Variants in FHOD3 observed in about 807,000 individuals in gnomAD.
FHOD3 encodes formin homology 2 domain containing 3.
Under a neutral mutation model 173.0 loss-of-function variants are expected in FHOD3, and 90 were observed. The observed-to-expected ratio is 0.52, with a 90% CI of 0.44 to 0.62. The LOEUF is 0.62. Ranked by LOEUF, FHOD3 falls within the 20% of genes least tolerant of loss-of-function variation. The probability of loss-of-function intolerance (pLI) is 0.00; values close to 1 mark genes in which losing one functional copy is unlikely to be tolerated. For synonymous variants in FHOD3, 828 were observed against 823.0 expected, an observed-to-expected ratio of 1.01 and a Z score of -0.10; for missense variants, 1,945 against 2,034.7, an observed-to-expected ratio of 0.96 and a Z score of 0.85.
chr18:36,433,847 G>A (rs756225194), intron 3 of FHOD3, among the ~76,000 whole-genome samples: 1 of 152,088 alleles, frequency 6.6e-6, no homozygotes, highest in African/African-American at 2.4e-5. Flanking sequence ...CCTTATTGAG[G>A]TATACTTTAC....
intron 3 of FHOD3, among the ~76,000 whole-genome samples, chr18:36,482,858 C>CACACACACACACAGAGAGAG (rs1400178557): frequency 2.3e-5 from 3 of 130,372 alleles, no homozygotes; most frequent in African/African-American, 9.3e-5. Context: ...CACACACACA[C>CACACACACACACAGAGAGAG]AGAGAGAGAG....
chr18:36,484,074 C>T (rs2054068595), intron 3 of FHOD3, among the ~76,000 whole-genome samples: 1 of 152,212 alleles, frequency 6.6e-6, no homozygotes, highest in Non-Finnish European at 1.5e-5. Context: ...TTGCTGTGCA[C>T]ATTCAAGTGT....
intron 3 of FHOD3, among the ~76,000 whole-genome samples, chr18:36,417,866 C>A (rs1331715939): frequency 6.6e-6 from 1 of 152,204 alleles, no homozygotes; most frequent in Non-Finnish European, 1.5e-5. Flanking sequence ...ATTTCTTTTA[C>A]CAACTTTCCA....
chr18:36,316,741 A>G (rs913140373), intron 1 of FHOD3, among the ~76,000 whole-genome samples: 1 of 151,490 alleles, frequency 6.6e-6, no homozygotes, highest in African/African-American at 2.4e-5. Flanking sequence ...TTTATATTAT[A>G]CTTTAAGTTC....
intron 9 of FHOD3, among the ~76,000 whole-genome samples, chr18:36,619,684 C>A (rs1289291720): frequency 6.6e-6 from 1 of 152,218 alleles, no homozygotes; most frequent in Non-Finnish European, 1.5e-5. Context: ...CCCTGGTGAC[C>A]CAGCACATCA....
intron 5 of FHOD3, among the ~76,000 whole-genome samples, chr18:36,527,075 T>C (rs1011042931): frequency 1.3e-5 from 2 of 152,180 alleles, no homozygotes; most frequent in African/African-American, 4.8e-5. Flanking sequence ...AAGCTGCATC[T>C]GGAGGCTGTG....
Position 36,760,741 on chromosome 18 carries a change from C to G in FHOD3, c.4583C>G (p.Thr1528Ser). The G allele has an allele frequency of 6.2e-7, 1 of 1,612,574 alleles. No homozygotes were observed. The highest frequency in any genetic ancestry group is 8.5e-7 in the Non-Finnish European group (1 of 1,179,854). Residue 1528 changes from threonine (T) to serine (S), a missense_variant, in exon 27 of 29, where the codon ACC becomes AGC. Around this residue, in one of 5 missense-constraint regions of FHOD3, gnomAD observed 354 missense variants for 359.9 expected, o/e 0.98. Transcript: ENST00000590592. The part of the protein sequence containing the change: ...KTSSPSVEDA[T>S]PALGVRTRSR... ...TCGTCCCCCTCCGTGGAGGACGCCA[C>G]CCCCGCGCTGGGCGTCCGCACACGC...
intron 13 of FHOD3, among the ~76,000 whole-genome samples, chr18:36,654,145 G>T (rs1203152688): frequency 2.3e-4 from 35 of 152,194 alleles, no homozygotes; most frequent in Admixed American, 2.3e-3. Flanking sequence ...TTTTGCCAGA[G>T]CCTGTGTTTC....
chr18:36,735,217 T>C (rs1025510305), intron 20 of FHOD3, among the ~76,000 whole-genome samples: 1 of 152,174 alleles, frequency 6.6e-6, no homozygotes, highest in African/African-American at 2.4e-5. Flanking sequence ...AACAGAAGTT[T>C]TCTTTGGCCA....
At chr18:36,757,719 C>T (rs1297762508) in intron 25 of FHOD3, among the ~76,000 whole-genome samples, 1 of 152,230 alleles carries the variant, frequency 6.6e-6, no homozygotes, top group African/African-American at 2.4e-5. Context: ...TTCTTCTCCC[C>T]GTTTCTGGGT....
chr18:36,650,682 C>T (rs1259770474), intron 11 of FHOD3, among the ~76,000 whole-genome samples: 1 of 152,150 alleles, frequency 6.6e-6, no homozygotes, highest in Non-Finnish European at 1.5e-5. Context: ...GATATGCCTC[C>T]CTATCTGCTG....
chr18:36,603,860 T>C (rs1461295667), intron 8 of FHOD3, among the ~76,000 whole-genome samples: 1 of 152,214 alleles, frequency 6.6e-6, no homozygotes, highest in Non-Finnish European at 1.5e-5. Flanking sequence ...GAAGTTTTAC[T>C]CTAAGAAAAT....
chr18:36,352,276 T>C (rs2046166929), intron 1 of FHOD3, among the ~76,000 whole-genome samples: 1 of 151,908 alleles, frequency 6.6e-6, no homozygotes, highest in Non-Finnish European at 1.5e-5. Context: ...TAAATAAAAA[T>C]AAAAGAAATT....
intron 8 of FHOD3, among the ~76,000 whole-genome samples, chr18:36,607,815 T>G (rs1056773698): frequency 6.6e-6 from 1 of 152,218 alleles, no homozygotes; most frequent in Non-Finnish European, 1.5e-5. Flanking sequence ...CATTGACATA[T>G]TTCAGCCAAG....
At chr18:36,720,146 G>T (rs532625275) in intron 19 of FHOD3, among the ~76,000 whole-genome samples, 47 of 151,806 alleles carry the variant, frequency 3.1e-4, no homozygotes, top group African/African-American at 1.1e-3. Context: ...AGAAAGGGTT[G>T]CCAGACACCC....
intron 20 of FHOD3, among the ~76,000 whole-genome samples, chr18:36,731,966 TTGTACA>T (rs1044558392): frequency 3.3e-5 from 5 of 152,208 alleles, no homozygotes; most frequent in African/African-American, 7.2e-5. Flanking sequence ...AAAAAGGGTC[TTGTACA>T]TGTAATCAAG....
At chr18:36,666,386 T>C (rs1239886897) in intron 14 of FHOD3, among the ~76,000 whole-genome samples, 3 of 152,350 alleles carry the variant, frequency 2.0e-5, no homozygotes, top group South Asian at 4.1e-4. Context: ...CCTGAAGCTA[T>C]GAAGGAAGAT....
chr18:36,297,767 G>C lies in FHOD3; in HGVS notation c.-69G>C, dbSNP rs1438933480. The C allele has an allele frequency of 7.3e-7, 1 of 1,365,016 alleles. No individual in the cohort carries two copies. Among genetic ancestry groups the C allele is most frequent in the Non-Finnish European group, 9.6e-7 (1 of 1,040,910 alleles). 84.6% of individuals were successfully genotyped at this position (1,365,016 alleles called of 1,614,324 possible). A position where few individuals can be genotyped will look rare whatever the true frequency, so the allele number is the denominator to read the frequency against. ...GCGGCTGCGGCCTCCCCTGCGCGCA[G>C]CTACCCGGGCGTCCCGGCCCGCGGC... On this transcript the variant is annotated 5_prime_UTR_variant, in exon 1 of 29. Transcript: ENST00000590592.
intron 20 of FHOD3, among the ~76,000 whole-genome samples, chr18:36,731,475 T>C (rs568942037): frequency 2.6e-5 from 4 of 152,158 alleles, no homozygotes; most frequent in Admixed American, 6.5e-5. Context: ...GCAGAGCCGA[T>C]GTGTCCCACC....
Sources: gnomAD v4.1 joint callset for allele counts (sites outside exome capture counted in the v4.1 genomes callset) on GRCh38, gnomAD v4.1.1 for gene constraint, gnomAD v4.1.1 regional missense constraint, MANE v1.5 for transcripts, NCBI Gene and HGNC (gene_info 2026-07-23, HGNC 2026-07-21) for gene names.